Variants in CPQ observed in about 807,000 individuals in gnomAD.
CPQ encodes the protein carboxypeptidase Q.
In CPQ, 37 loss-of-function variants were observed where a neutral mutation model predicts 45.7. The ratio of observed to expected loss-of-function variants is 0.81; its 90% CI spans 0.62 to 1.07. The LOEUF is 1.07. Among genes scored for constraint, CPQ ranks in the 50% least tolerant of loss-of-function variants. The probability of loss-of-function intolerance (pLI) is 0.00; values close to 1 mark genes in which losing one functional copy is unlikely to be tolerated. For synonymous variants in CPQ, 186 were observed against 205.8 expected (o/e 0.90, Z 0.82); for missense variants, 537 against 572.9 (o/e 0.94, Z 0.64).
At chr8:97,046,229 T>C (rs1247931324) in intron 6 of CPQ, among the ~76,000 whole-genome samples, 2 of 152,112 alleles carry the variant, frequency 1.3e-5, no homozygotes, top group African/African-American at 2.4e-5. Context: ...CACAAAGGCA[T>C]ACTTTTTTTT....
intron 7 of CPQ, among the ~76,000 whole-genome samples, chr8:97,073,214 A>C (rs1347592530): frequency 6.6e-6 from 1 of 152,210 alleles, no homozygotes; most frequent in Non-Finnish European, 1.5e-5. Context: ...TTTCTGCCCA[A>C]TACCTCATAT....
chr8:96,788,618 C>T (rs1810807556), intron 2 of CPQ, among the ~76,000 whole-genome samples: 1 of 151,962 alleles, frequency 6.6e-6, no homozygotes, highest in Non-Finnish European at 1.5e-5. Flanking sequence ...TCTTTATTCT[C>T]ATCTTACTTG....
At chr8:96,773,074 T>TA (rs887319332) in intron 1 of CPQ, among the ~76,000 whole-genome samples, 1 of 152,148 alleles carries the variant, frequency 6.6e-6, no homozygotes, top group African/African-American at 2.4e-5. Context: ...ACTCCCTTTA[T>TA]AAAAGAAAAT....
At chr8:96,861,118 A>G (rs1235692030) in intron 3 of CPQ, among the ~76,000 whole-genome samples, 3 of 152,178 alleles carry the variant, frequency 2.0e-5, no homozygotes. Context: ...CACTAGTGAT[A>G]GAAAAATGAA....
At chr8:97,029,736 A>G (rs964986152) in intron 6 of CPQ, among the ~76,000 whole-genome samples, 1 of 151,966 alleles carries the variant, frequency 6.6e-6, no homozygotes, top group African/African-American at 2.4e-5. Flanking sequence ...AAAAATTCCA[A>G]TTGCCATGCT....
At chr8:96,922,045 A>AT (rs1284115502) in intron 4 of CPQ, among the ~76,000 whole-genome samples, 1 of 152,104 alleles carries the variant, frequency 6.6e-6, no homozygotes, top group African/African-American at 2.4e-5. Flanking sequence ...AGAATGCTCC[A>AT]TTTTTCCCCG....
At chr8:96,982,860 T>C (rs1488873514) in intron 5 of CPQ, among the ~76,000 whole-genome samples, 1 of 152,236 alleles carries the variant, frequency 6.6e-6, no homozygotes, top group East Asian at 1.9e-4. Context: ...CTTGCAAAAC[T>C]AGAAAATCTC....
intron 1 of CPQ, among the ~76,000 whole-genome samples, chr8:96,754,606 G>A (rs377524548): frequency 7.6e-4 from 116 of 151,924 alleles, no homozygotes; most frequent in African/African-American, 2.7e-3. Context: ...ATTTTCCATG[G>A]CTATTCAGCT....
At chr8:96,908,560 T>C (rs1812611519) in intron 4 of CPQ, among the ~76,000 whole-genome samples, 1 of 151,914 alleles carries the variant, frequency 6.6e-6, no homozygotes, top group Admixed American at 6.6e-5. Flanking sequence ...CAGAGAAAAA[T>C]CTGAAGGCAC....
At chr8:96,690,760 A>G (rs1327354241) in intron 1 of CPQ, among the ~76,000 whole-genome samples, 2 of 152,178 alleles carry the variant, frequency 1.3e-5, no homozygotes, top group African/African-American at 4.8e-5. Flanking sequence ...TTAGATTCTC[A>G]TAGTCTGTCC....
At chr8:97,063,322 G>A (rs1341074693) in intron 6 of CPQ, among the ~76,000 whole-genome samples, 1 of 151,926 alleles carries the variant, frequency 6.6e-6, no homozygotes, top group African/African-American at 2.4e-5. Context: ...CTTTTTAATG[G>A]GGTTGTTTTT....
chr8:96,990,945 T>C (rs1809083302), intron 5 of CPQ, among the ~76,000 whole-genome samples: 2 of 152,138 alleles, frequency 1.3e-5, no homozygotes, highest in Admixed American at 1.3e-4. Flanking sequence ...TTTAAACCCT[T>C]CCTGAAACAA....
intron 5 of CPQ, among the ~76,000 whole-genome samples, chr8:97,024,151 G>A (rs1009751917): frequency 1.3e-5 from 2 of 152,032 alleles, no homozygotes; most frequent in African/African-American, 2.4e-5. Context: ...CCCAGATTCC[G>A]CCCTTCTTTA....
At chr8:96,933,947 G>A (rs1586457531) in intron 4 of CPQ, among the ~76,000 whole-genome samples, 1 of 152,132 alleles carries the variant, frequency 6.6e-6, no homozygotes, top group Non-Finnish European at 1.5e-5. Context: ...GCTACGTACC[G>A]CTACCACAAC....
At chr8:96,723,730 T>A (rs530267007) in intron 1 of CPQ, among the ~76,000 whole-genome samples, 2 of 152,234 alleles carry the variant, frequency 1.3e-5, no homozygotes, top group South Asian at 4.1e-4. Flanking sequence ...TTTACTATGA[T>A]TTAGTAGATG....
chr8:96,896,408 C>T lies in CPQ; in HGVS notation c.849+16403C>T, dbSNP rs536454248. 2.0e-3 allele frequency among the ~76,000 whole-genome samples: 298 copies of T among 152,258 alleles called. 2 individuals are homozygous for T. The highest frequency in any genetic ancestry group is 6.7e-3 in the African/African-American group (277 of 41,560). ...CCTTTTCCTGCCTATTTTCTAGAGT[C>T]TTTTCCCAGAAGACTCTGTTCCATG... On this transcript the variant is annotated intron_variant, in intron 4 of 7. Transcript: ENST00000220763.
intron 1 of CPQ, among the ~76,000 whole-genome samples, chr8:96,671,454 A>T (rs1042802570): frequency 6.6e-6 from 1 of 152,184 alleles, no homozygotes; most frequent in Non-Finnish European, 1.5e-5. Flanking sequence ...TTCAGCTCTT[A>T]ACTTGCCAAG....
chr8:96,878,940 G>A (rs918852845), intron 3 of CPQ, among the ~76,000 whole-genome samples: 2 of 152,226 alleles, frequency 1.3e-5, no homozygotes, highest in Non-Finnish European at 2.9e-5. Context: ...TGACAGTTTG[G>A]TCCTGAGAGC....
At chr8:96,792,395 C>T (rs1048880669) in intron 2 of CPQ, among the ~76,000 whole-genome samples, 7 of 152,176 alleles carry the variant, frequency 4.6e-5, no homozygotes, top group African/African-American at 1.7e-4. Context: ...AGACATAACT[C>T]TGGGTCTTCA....
Sources: gnomAD v4.1 joint callset for allele counts (sites outside exome capture counted in the v4.1 genomes callset) on GRCh38, gnomAD v4.1.1 for gene constraint, MANE v1.5 for transcripts, NCBI Gene and HGNC (gene_info 2026-07-23, HGNC 2026-07-21) for gene names.